The following FRAS1 variants were observed in gnomAD, a reference collection of about 807,000 sequenced individuals.
FRAS1 encodes the protein extracellular matrix organizing protein FRAS1.
Under a neutral mutation model 435.2 loss-of-function variants are expected in FRAS1, and 290 were observed. That is an observed-to-expected ratio of 0.67 (90% confidence interval 0.61 to 0.73). The LOEUF (loss-of-function observed/expected upper bound fraction) is 0.73, where lower values mean the gene tolerates loss of function less well. Ranked by LOEUF, FRAS1 falls within the 30% of genes least tolerant of loss-of-function variation. FRAS1 has a pLI of 0.00. For synonymous variants in FRAS1, 1,800 were observed against 1,851.0 expected, an observed-to-expected ratio of 0.97 and a Z score of 0.71; for missense variants, 4,860 against 5,001.5, an observed-to-expected ratio of 0.97 and a Z score of 0.85.
chr4:78,425,331 G>A (rs185701449), intron 35 of FRAS1, among the ~76,000 whole-genome samples: 1 of 152,256 alleles, frequency 6.6e-6, no homozygotes, highest in African/African-American at 2.4e-5. Context: ...AGCTCATAGT[G>A]CAATAGAAGC....
At chr4:78,362,374 G>A (rs148197355) in intron 20 of FRAS1, among the ~76,000 whole-genome samples, 99 of 152,334 alleles carry the variant, frequency 6.5e-4, no homozygotes, top group Non-Finnish European at 1.3e-3. Context: ...TTGTTTGCCG[G>A]ACTCATGGCA....
Position 78,271,814 on chromosome 4 carries a change from C to A in FRAS1, c.981+4382C>A, listed in dbSNP as rs192736185. On this transcript the variant is annotated intron_variant, in intron 9 of 73. Transcript: ENST00000512123. ...CTTTATAGCAGCATGATTTATAATC[C>A]TTTGGGTATACACCCAGTAATGGGA... Among the ~76,000 whole-genome samples, 358 of 152,304 alleles carry A rather than the reference C, an allele frequency of 2.4e-3. 2 individuals carry two copies. The highest frequency in any genetic ancestry group is 8.3e-3 in the African/African-American group (344 of 41,552).
At chr4:78,388,331 C>CAAAA (rs71661163) in intron 29 of FRAS1, among the ~76,000 whole-genome samples, 1 of 93,224 alleles carries the variant, frequency 1.1e-5, no homozygotes, top group Admixed American at 1.2e-4. Flanking sequence ...TCTCAAAAAC[C>CAAAA]AAAAAAAAAA....
intron 2 of FRAS1, among the ~76,000 whole-genome samples, chr4:78,104,394 G>A (rs981805178): frequency 5.3e-5 from 8 of 152,202 alleles, no homozygotes; most frequent in African/African-American, 1.7e-4. Context: ...TGGCAGATGG[G>A]TGGGGAAGAG....
intron 2 of FRAS1, among the ~76,000 whole-genome samples, chr4:78,231,159 G>C (rs1724503896): frequency 6.6e-6 from 1 of 151,982 alleles, no homozygotes; most frequent in Non-Finnish European, 1.5e-5. Context: ...GCTTCACCAT[G>C]TTGGCCAGGC....
At chr4:78,518,464 A>G (rs1464658280) in intron 66 of FRAS1, among the ~76,000 whole-genome samples, 2 of 141,674 alleles carry the variant, frequency 1.4e-5, no homozygotes, top group Non-Finnish European at 3.0e-5. Flanking sequence ...TTATTTATTT[A>G]TTTATTTGTG....
At chr4:78,478,148 C>G (rs540912534) in intron 55 of FRAS1, 87 bp downstream of exon 55, 22 of 1,374,060 alleles carry the variant, frequency 1.6e-5, no homozygotes, top group Non-Finnish European at 2.1e-5. Flanking sequence ...TCATCTCATG[C>G]ATTATCTTAA....
At chr4:78,256,073 C>T (rs894316864) in intron 6 of FRAS1, among the ~76,000 whole-genome samples, 1 of 151,970 alleles carries the variant, frequency 6.6e-6, no homozygotes, top group African/African-American at 2.4e-5. Context: ...ATTTTTTGAT[C>T]TAAGGAAAAG....
chr4:78,472,488 A>T (rs1578344417), intron 52 of FRAS1, among the ~76,000 whole-genome samples, 158 bp downstream of exon 52: 1 of 152,044 alleles, frequency 6.6e-6, no homozygotes, highest in Non-Finnish European at 1.5e-5. Context: ...TAAGAATTTT[A>T]TTTCTCCTGA....
intron 18 of FRAS1, among the ~76,000 whole-genome samples, chr4:78,326,045 T>G (rs796369912): frequency 7.2e-5 from 11 of 152,306 alleles, no homozygotes; most frequent in African/African-American, 2.6e-4. Flanking sequence ...TTACATGACG[T>G]ACTTTATGTG....
chr4:78,414,537 C>T lies in FRAS1; in HGVS notation c.4425+1452C>T, dbSNP rs867334264. ...TATATTTTTTGATACTAATTAGGGC[C>T]ATTATGATAGGACATACTTGTGATC... On this transcript the variant is annotated intron_variant, in intron 32 of 73. Coordinates refer to ENST00000512123, the MANE Select transcript of FRAS1 (RefSeq NM_025074.7). Among the ~76,000 whole-genome samples, 4 of 152,230 alleles carry T rather than the reference C, an allele frequency of 2.6e-5. No homozygotes were observed. The South Asian group carries it at 6.2e-4, about 24-fold the overall frequency.
At chr4:78,312,722 C>T (rs1395206366) in intron 15 of FRAS1, among the ~76,000 whole-genome samples, 2 of 151,944 alleles carry the variant, frequency 1.3e-5, no homozygotes, top group Admixed American at 6.6e-5. Flanking sequence ...GTCCTAGTTC[C>T]TCTGGAAGCT....
At chr4:78,481,765 C>T in intron 56 of FRAS1, 39 bp from the exon 57 acceptor site, 4 of 1,611,400 alleles carry the variant, frequency 2.5e-6, no homozygotes, top group African/African-American at 1.3e-5. Context: ...TTTTCTGGCT[C>T]AAAGTTGACC....
chr4:78,541,119 G>T lies in FRAS1; in HGVS notation c.12034G>T (p.Val4012Phe), dbSNP rs1175538032. The part of the protein sequence containing the change: ...VHNNLQDGTE[V>F] ...CAACAATTTACAAGATGGAACAGAAGTTTAATGGAGGAGACCTATGTGTAT... is the reference window on the plus strand; with the variant it reads ...CAACAATTTACAAGATGGAACAGAATTTTAATGGAGGAGACCTATGTGTAT... Residue 4012 changes from valine to phenylalanine, a missense_variant, in exon 74 of 74, where the codon GTT becomes TTT. Val to Phe is a conservative substitution (Grantham distance 50). Coordinates refer to ENST00000512123, the MANE Select transcript of FRAS1 (RefSeq NM_025074.7). 18 of 1,369,580 alleles carry T rather than the reference G, an allele frequency of 1.3e-5. No homozygotes were observed. Among genetic ancestry groups the T allele is most frequent in the Non-Finnish European group, 1.7e-5 (18 of 1,050,940 alleles). 84.8% of individuals were successfully genotyped at this position (1,369,580 alleles called of 1,614,324 possible).
chr4:78,355,595 G>T (rs1216395392), intron 20 of FRAS1, among the ~76,000 whole-genome samples: 1 of 152,194 alleles, frequency 6.6e-6, no homozygotes, highest in African/African-American at 2.4e-5. Context: ...AGATGCAGAT[G>T]CCTTACTGCA....
At chr4:78,475,202 C>T (rs148781167) in intron 53 of FRAS1, among the ~76,000 whole-genome samples, 222 of 152,318 alleles carry the variant, frequency 1.5e-3, no homozygotes, top group African/African-American at 5.2e-3. Flanking sequence ...TCTTAGCTTG[C>T]TTGCAAAGCA....
chr4:78,121,486 G>A (rs1719021067), intron 2 of FRAS1, among the ~76,000 whole-genome samples: 1 of 152,148 alleles, frequency 6.6e-6, no homozygotes, highest in African/African-American at 2.4e-5. Flanking sequence ...AGTCCACAGA[G>A]CCCTAGTCAA....
intron 31 of FRAS1, among the ~76,000 whole-genome samples, chr4:78,408,115 A>T (rs1209599343): frequency 1.3e-5 from 2 of 152,184 alleles, no homozygotes; most frequent in Non-Finnish European, 2.9e-5. Context: ...GGGAGGCAAG[A>T]GAGAATGAGA....
At chr4:78,199,781 C>T (rs539131944) in intron 2 of FRAS1, among the ~76,000 whole-genome samples, 15 of 152,206 alleles carry the variant, frequency 9.9e-5, no homozygotes, top group African/African-American at 3.6e-4. Context: ...CCGTGTGTAA[C>T]CAGGCCCATG....
Sources: gnomAD v4.1 joint callset for allele counts (sites outside exome capture counted in the v4.1 genomes callset) on GRCh38, gnomAD v4.1.1 for gene constraint, MANE v1.5 for transcripts, NCBI Gene and HGNC (gene_info 2026-07-23, HGNC 2026-07-21) for gene names.